RCAN2: variants seen among roughly 807,000 people sequenced by gnomAD.
RCAN2 encodes regulator of calcineurin 2.
RCAN2 carries 9 observed loss-of-function variants against 23.6 expected under a neutral mutation model. That is an observed-to-expected ratio of 0.38 (90% CI 0.23 to 0.67). The LOEUF is 0.67. RCAN2 is among the 30% of genes least tolerant of loss of function. The pLI, the probability that RCAN2 is intolerant of heterozygous loss-of-function variation, is 0.51. For missense variants in RCAN2, 273 were observed against 302.3 expected, an observed-to-expected ratio of 0.90 and a Z score of 0.72; for synonymous variants, 109 against 115.7, an observed-to-expected ratio of 0.94 and a Z score of 0.37.
intron 1 of RCAN2, among the ~76,000 whole-genome samples, chr6:46,486,100 T>C (rs1051991761): frequency 6.6e-6 from 1 of 152,160 alleles, no homozygotes; most frequent in South Asian, 2.1e-4. Flanking sequence ...TCTGTGCACA[T>C]TCACAAACTC....
At chr6:46,365,946 C>T (rs1251281550) in intron 2 of RCAN2, among the ~76,000 whole-genome samples, 1 of 152,162 alleles carries the variant, frequency 6.6e-6, no homozygotes, top group African/African-American at 2.4e-5. Flanking sequence ...GCTTAATCTT[C>T]AGAACAACTG....
intron 2 of RCAN2, among the ~76,000 whole-genome samples, chr6:46,264,063 A>G (rs1437673211): frequency 6.6e-6 from 1 of 152,200 alleles, no homozygotes; most frequent in Non-Finnish European, 1.5e-5. Context: ...CCCTTTGCAG[A>G]ATGCTACCCG....
intron 2 of RCAN2, among the ~76,000 whole-genome samples, chr6:46,307,572 T>C (rs183789149): frequency 1.6e-4 from 25 of 152,296 alleles, no homozygotes; most frequent in Non-Finnish European, 2.4e-4. Context: ...TCAGCAAATA[T>C]ATGTTGTGCT....
intron 2 of RCAN2, among the ~76,000 whole-genome samples, chr6:46,249,512 G>T (rs1469798719): frequency 6.6e-6 from 1 of 150,734 alleles, no homozygotes; most frequent in Non-Finnish European, 1.5e-5. Flanking sequence ...TAGAGATGGG[G>T]TTTCACCATG....
At chr6:46,405,395 T>C (rs1287187525) in intron 2 of RCAN2, among the ~76,000 whole-genome samples, 1 of 152,190 alleles carries the variant, frequency 6.6e-6, no homozygotes, top group Non-Finnish European at 1.5e-5. Flanking sequence ...TATTCTCTTA[T>C]CTGGCTCCAC....
chr6:46,361,981 C>T (rs1300206701), intron 2 of RCAN2, among the ~76,000 whole-genome samples: 4 of 152,114 alleles, frequency 2.6e-5, no homozygotes, highest in South Asian at 4.1e-4. Flanking sequence ...CAGAGAAAAA[C>T]ATCAATAAGC....
intron 1 of RCAN2, among the ~76,000 whole-genome samples, chr6:46,479,847 C>T (rs1561922399): frequency 1.3e-5 from 2 of 152,112 alleles, no homozygotes; most frequent in African/African-American, 4.8e-5. Context: ...TCCCAAAGTG[C>T]TGGGATTACA....
Position 46,248,906 on chromosome 6 carries a change from A to G in RCAN2, c.226-10T>C, listed in dbSNP as rs1414417729. The stretch of plus-strand genomic sequence containing the variant: ...GTCCCTCAAATTTTTCCTGATAAAA[A>G]CAAACACAGAGGAAAATCCATTGGC... On this transcript the variant is annotated splice_polypyrimidine_tract_variant and intron_variant, in intron 2 of 4. Coordinates refer to ENST00000371374, the MANE Select transcript of RCAN2 (RefSeq NM_001251974.2). The G allele has an allele frequency of 4.4e-6, 7 of 1,599,714 alleles. No homozygotes were observed. The East Asian group carries it at 1.3e-4, about 31-fold the overall frequency.
At chr6:46,482,864 A>G (rs1414381761) in intron 1 of RCAN2, among the ~76,000 whole-genome samples, 1 of 152,236 alleles carries the variant, frequency 6.6e-6, no homozygotes, top group East Asian at 1.9e-4. Context: ...TTTGATAAAT[A>G]GTCATCTTTG....
At chr6:46,313,144 TTAACCTATAAAGC>T (rs1294428914) in intron 2 of RCAN2, among the ~76,000 whole-genome samples, 1 of 152,200 alleles carries the variant, frequency 6.6e-6, no homozygotes, top group Non-Finnish European at 1.5e-5. Flanking sequence ...AAATTCCTAC[TTAACCTATAAAGC>T]TGTAACTCAT....
At chr6:46,405,117 TA>T (rs950761098) in intron 2 of RCAN2, among the ~76,000 whole-genome samples, 187 of 152,290 alleles carry the variant, frequency 1.2e-3, no homozygotes, top group African/African-American at 4.4e-3. Flanking sequence ...CGGTGAGTGT[TA>T]CAGCTCTTAA....
intron 2 of RCAN2, among the ~76,000 whole-genome samples, chr6:46,273,817 C>A (rs1369462411): frequency 6.6e-6 from 1 of 151,988 alleles, no homozygotes; most frequent in Non-Finnish European, 1.5e-5. Flanking sequence ...TTGAGCTAAT[C>A]ATGATCATTT....
At chr6:46,328,419 G>T (rs1298368451) in intron 2 of RCAN2, among the ~76,000 whole-genome samples, 4 of 152,168 alleles carry the variant, frequency 2.6e-5, no homozygotes, top group Admixed American at 6.5e-5. Flanking sequence ...AGAGTTCTAG[G>T]CATCAAGAGC....
intron 2 of RCAN2, among the ~76,000 whole-genome samples, chr6:46,372,905 A>G (rs755521723): frequency 4.6e-5 from 7 of 152,244 alleles, no homozygotes; most frequent in Non-Finnish European, 7.3e-5. Context: ...CAGATCTGGA[A>G]GGAGAATTAG....
chr6:46,396,240 T>C (rs1471642580), intron 2 of RCAN2, among the ~76,000 whole-genome samples: 1 of 152,134 alleles, frequency 6.6e-6, no homozygotes. Flanking sequence ...TTAAGGTCCA[T>C]GAAAGTGATG....
intron 2 of RCAN2, among the ~76,000 whole-genome samples, chr6:46,323,614 A>G (rs188788696): frequency 2.0e-3 from 309 of 152,304 alleles, no homozygotes; most frequent in African/African-American, 5.0e-3. Flanking sequence ...CTAGACTGCA[A>G]AATGCTGTGC....
intron 2 of RCAN2, among the ~76,000 whole-genome samples, chr6:46,324,163 A>G (rs996252236): frequency 4.6e-5 from 7 of 152,236 alleles, no homozygotes; most frequent in African/African-American, 7.2e-5. Flanking sequence ...TCCATTCTCA[A>G]TGCAATCACA....
rs771841138 is a variant in RCAN2, at chr6:46,346,159, G to A, written c.226-97263C>T. Among the ~76,000 whole-genome samples, 100 of 151,844 alleles carry A rather than the reference G, an allele frequency of 6.6e-4. 1 individual carries two copies. Among genetic ancestry groups the A allele is most frequent in the South Asian group, 2.3e-3 (11 of 4,820 alleles). Reference sequence around the variant, plus strand: ...CTTTGGTCAAAGAAGAAATCTAAAAGGAAATTTTAAAAATATTTTAAATCA... The same window carrying A: ...CTTTGGTCAAAGAAGAAATCTAAAAAGAAATTTTAAAAATATTTTAAATCA... On this transcript the variant is annotated intron_variant, in intron 2 of 4. Coordinates refer to ENST00000371374, the MANE Select transcript of RCAN2 (RefSeq NM_001251974.2).
At chr6:46,248,398 C>A (rs1766594217) in intron 3 of RCAN2, among the ~76,000 whole-genome samples, 1 of 152,096 alleles carries the variant, frequency 6.6e-6, no homozygotes, top group Non-Finnish European at 1.5e-5. Context: ...TGTGTATTTG[C>A]CAAATATTAG....
Sources: gnomAD v4.1 joint callset for allele counts (sites outside exome capture counted in the v4.1 genomes callset) on GRCh38, gnomAD v4.1.1 for gene constraint, MANE v1.5 for transcripts, NCBI Gene and HGNC (gene_info 2026-07-23, HGNC 2026-07-21) for gene names.